RYR2: variants seen among roughly 807,000 people sequenced by gnomAD.
RYR2 encodes the protein ryanodine receptor 2, also known as cardiac muscle ryanodine receptor-calcium release channel.
Under a neutral mutation model 601.1 loss-of-function variants are expected in RYR2, and 227 were observed. The ratio of observed to expected loss-of-function variants is 0.38; its 90% CI spans 0.34 to 0.42. The LOEUF is 0.42. Ranked by LOEUF, RYR2 falls within the 10% of genes least tolerant of loss-of-function variation. RYR2 has a pLI of 1.00. For synonymous variants in RYR2, 2,223 were observed against 2,175.1 expected, an observed-to-expected ratio of 1.02 and a Z score of -0.61; for missense variants, 4,646 against 6,156.5, an observed-to-expected ratio of 0.75 and a Z score of 8.21.
chr1:237,765,355 A>T (rs567803574), intron 84 of RYR2, among the ~76,000 whole-genome samples: 25 of 152,174 alleles, frequency 1.6e-4, no homozygotes, highest in African/African-American at 6.0e-4. Flanking sequence ...CCTGGACTTC[A>T]TAAAAGCAAG....
intron 1 of RYR2, among the ~76,000 whole-genome samples, chr1:237,107,031 A>G (rs911325475): frequency 1.3e-5 from 2 of 152,164 alleles, no homozygotes; most frequent in African/African-American, 4.8e-5. Context: ...AAGGGAGGTT[A>G]ATTTGGATTA....
At chr1:237,668,121 A>C (rs1684484695) in intron 58 of RYR2, among the ~76,000 whole-genome samples, 163 bp downstream of exon 58, 1 of 152,190 alleles carries the variant, frequency 6.6e-6, no homozygotes, top group African/African-American at 2.4e-5. Context: ...GTAATTTCCT[A>C]GTGGCTAGTA....
rs575907956 is a variant in RYR2, at chr1:237,195,629, A to G, written c.49-74868A>G. Among the ~76,000 whole-genome samples the G allele has an allele frequency of 4.6e-5, 7 of 152,326 alleles. No individual in the cohort carries two copies. In the South Asian group the frequency reaches 1.5e-3, roughly 32 times the overall value. ...CTCTATTTGCCTTTAGCACATATGT[A>G]TGCATATATTGAAGGAGTGTGGATT... On this transcript the variant is annotated intron_variant, in intron 1 of 104. Coordinates refer to ENST00000366574, the MANE Select transcript of RYR2 (RefSeq NM_001035.3).
At chr1:237,295,532 A>C (rs545129135) in intron 2 of RYR2, among the ~76,000 whole-genome samples, 1 of 152,228 alleles carries the variant, frequency 6.6e-6, no homozygotes, top group African/African-American at 2.4e-5. Context: ...AATGTTGGCT[A>C]TCTGCATTTC....
chr1:237,666,214 C>T (rs934144146), intron 56 of RYR2, among the ~76,000 whole-genome samples: 5 of 152,138 alleles, frequency 3.3e-5, no homozygotes, highest in African/African-American at 9.7e-5. Context: ...TTGTAAGAAA[C>T]TCAAAAATGT....
intron 34 of RYR2, among the ~76,000 whole-genome samples, chr1:237,597,186 C>A (rs1675982586): frequency 6.6e-6 from 1 of 151,852 alleles, no homozygotes; most frequent in African/African-American, 2.4e-5. Flanking sequence ...TCAAAATTGT[C>A]AAAAGTAACT....
intron 56 of RYR2, among the ~76,000 whole-genome samples, chr1:237,661,850 G>T (rs1683831879): frequency 1.3e-5 from 2 of 152,128 alleles, no homozygotes; most frequent in South Asian, 2.1e-4. Context: ...GTAAGGCACA[G>T]CCTTGATGTG....
At chr1:237,351,057 C>T (rs1290438076) in intron 3 of RYR2, among the ~76,000 whole-genome samples, 1 of 152,006 alleles carries the variant, frequency 6.6e-6, no homozygotes, top group Non-Finnish European at 1.5e-5. Context: ...AGAGTGTATT[C>T]CTTTCTCATC....
At chr1:237,194,583 A>T (rs1178900535) in intron 1 of RYR2, among the ~76,000 whole-genome samples, 2 of 152,188 alleles carry the variant, frequency 1.3e-5, no homozygotes, top group Non-Finnish European at 2.9e-5. Context: ...AAGGAAATCA[A>T]TACTGACCAC....
At chr1:237,821,921 T>C (rs1295035343) in intron 101 of RYR2, among the ~76,000 whole-genome samples, 55 of 151,390 alleles carry the variant, frequency 3.6e-4, no homozygotes, top group Non-Finnish European at 7.4e-5. Flanking sequence ...GAAGAAAGGA[T>C]ATCAGAGATT....
In RYR2 at chr1:237,042,435, C is replaced by A; in HGVS notation, c.-87C>A. On this transcript the variant is annotated 5_prime_UTR_variant, in exon 1 of 105. Transcript: ENST00000366574. ...CCCTCCAGCCCCCGGCTCCCGGCAG[C>A]AGAAGCAGAAGGCAGCGCCAGGGGC... 1.7e-6 allele frequency: 2 copies of A among 1,185,246 alleles called. No individual in the cohort carries two copies. The highest frequency in any genetic ancestry group is 2.1e-6 in the Non-Finnish European group (2 of 941,528). The allele number at this position is 1,185,246 out of a possible 1,614,324, so 73.4% of individuals were successfully genotyped here.
At chr1:237,593,673 G>A (rs771797700) in intron 33 of RYR2, 37 bp downstream of exon 33, 1 of 1,603,954 alleles carries the variant, frequency 6.2e-7, no homozygotes. Context: ...AATGACATGT[G>A]AAAAAAATAT....
chr1:237,423,623 A>G (rs1004287977), intron 12 of RYR2, among the ~76,000 whole-genome samples: 2 of 90,374 alleles, frequency 2.2e-5, no homozygotes, highest in Non-Finnish European at 4.8e-5. Context: ...CTTAAAACAC[A>G]TCCATCCAGC....
At chr1:237,756,927 G>T (rs1693007174) in intron 81 of RYR2, among the ~76,000 whole-genome samples, 1 of 152,110 alleles carries the variant, frequency 6.6e-6, no homozygotes, top group Non-Finnish European at 1.5e-5. Context: ...ATACAAATAT[G>T]GAGACTTTTA....
intron 2 of RYR2, among the ~76,000 whole-genome samples, chr1:237,294,201 G>A (rs1004406592): frequency 2.0e-5 from 3 of 152,136 alleles, no homozygotes; most frequent in Non-Finnish European, 2.9e-5. Context: ...CTCAGGAACT[G>A]GGGAAGTGAG....
At position 237,174,797 on chromosome 1, in the gene RYR2, A is replaced by G. The variant is rs1677830975; in HGVS notation, c.49-95700A>G. Among the ~76,000 whole-genome samples, 5 of 152,228 alleles carry G rather than the reference A, an allele frequency of 3.3e-5. No homozygotes were observed. In the South Asian group the frequency reaches 1.0e-3, roughly 32 times the overall value. ...CTGTTAGAAATACTCCAACAATGAC[A>G]CAGGATCAGGAATCAATAGTATTTG... On this transcript the variant is annotated intron_variant, in intron 1 of 104. Coordinates refer to ENST00000366574, the MANE Select transcript of RYR2 (RefSeq NM_001035.3).
intron 1 of RYR2, among the ~76,000 whole-genome samples, chr1:237,219,137 G>A (rs897991463): frequency 1.3e-5 from 2 of 150,534 alleles, no homozygotes; most frequent in Non-Finnish European, 2.9e-5. Flanking sequence ...TCAGCCTCTC[G>A]AATAGCTGGG....
Position 237,438,567 on chromosome 1 carries a change from G to T in RYR2, c.1006-2752G>T, listed in dbSNP as rs145399546. Among the ~76,000 whole-genome samples, 700 of 152,216 alleles carry T rather than the reference G, an allele frequency of 4.6e-3. 11 individuals are homozygous for T. Among genetic ancestry groups the T allele is most frequent in the African/African-American group, 0.016 (666 of 41,534 alleles). ...GCTTCCATCTGTTGCCATTATACTG[G>T]ACTTTCCTCCAGCATACATAGTCAG... is the stretch of plus-strand genomic sequence containing the variant. On this transcript the variant is annotated intron_variant, in intron 12 of 104. Coordinates refer to ENST00000366574, the MANE Select transcript of RYR2 (RefSeq NM_001035.3).
In RYR2 at chr1:237,628,031, A is replaced by C; in HGVS notation, c.6391A>C (p.Ser2131Arg). The change falls in exon 41 of 105, where the codon AGT (serine) becomes CGT (arginine). Residue 2131 changes from serine to arginine, a missense_variant. This residue lies in a region of RYR2 where 137 missense variants were observed against 273.6 expected (regional missense o/e 0.50). Transcript: ENST00000366574. ...CCTTGGTCAGATTCGGTCCCTGCTGAGTGTGAGAATGGGCAAAGAAGAAGA... is the reference window on the plus strand; with the variant it reads ...CCTTGGTCAGATTCGGTCCCTGCTGCGTGTGAGAATGGGCAAAGAAGAAGA... The part of the protein sequence containing the change: ...ASLGQIRSLL[S>R]VRMGKEEEKL... 6.2e-7 allele frequency: 1 copy of C among 1,613,924 alleles called. No individual in the cohort carries two copies. Among genetic ancestry groups the C allele is most frequent in the South Asian group, 1.1e-5 (1 of 91,086 alleles).
Sources: allele counts gnomAD v4.1 joint callset (sites outside exome capture counted in the v4.1 genomes callset), GRCh38; gene constraint gnomAD v4.1.1; regional missense constraint gnomAD v4.1.1; transcripts MANE v1.5; gene names NCBI Gene and HGNC (gene_info 2026-07-23, HGNC 2026-07-21).